The following ITPR1 variants were observed in gnomAD, a reference collection of about 807,000 sequenced individuals.
ITPR1 encodes the protein inositol 1,4,5-trisphosphate receptor type 1, also known as inositol 1,4,5-trisphosphate-gated calcium channel ITPR1.
Under a neutral mutation model 318.4 loss-of-function variants are expected in ITPR1, and 96 were observed. The ratio of observed to expected loss-of-function variants is 0.30; its 90% confidence interval spans 0.26 to 0.36. ITPR1 has a LOEUF of 0.36. ITPR1 is among the 10% of genes least tolerant of loss of function. ITPR1 has a pLI of 1.00. For missense variants in ITPR1, 2,440 were observed against 3,460.2 expected (o/e 0.71, Z 7.40); for synonymous variants, 1,312 against 1,289.9 (o/e 1.02, Z -0.37).
intron 4 of ITPR1, among the ~76,000 whole-genome samples, chr3:4,522,380 T>G (rs1238052096): frequency 6.6e-6 from 1 of 152,178 alleles, no homozygotes; most frequent in Non-Finnish European, 1.5e-5. Flanking sequence ...TTGACTTTTT[T>G]GGATAAAAGC....
intron 2 of ITPR1, among the ~76,000 whole-genome samples, chr3:4,515,625 G>A (rs1575378165): frequency 6.6e-6 from 1 of 152,266 alleles, no homozygotes; most frequent in East Asian, 1.9e-4. Context: ...GATGAAAGCT[G>A]TTTCTAGGAG....
intron 18 of ITPR1, among the ~76,000 whole-genome samples, chr3:4,668,013 C>T (rs1173522436): frequency 6.6e-6 from 1 of 152,026 alleles, no homozygotes; most frequent in Non-Finnish European, 1.5e-5. Flanking sequence ...GTGTAATAAT[C>T]ACATTGTAGA....
chr3:4,559,244 T>A (rs2086443094), intron 4 of ITPR1, among the ~76,000 whole-genome samples: 1 of 152,120 alleles, frequency 6.6e-6, no homozygotes, highest in South Asian at 2.1e-4. Flanking sequence ...TATGTCTCTC[T>A]AGTCTCTTCT....
intron 4 of ITPR1, among the ~76,000 whole-genome samples, chr3:4,590,487 G>A (rs932365716): frequency 8.7e-5 from 13 of 150,132 alleles, no homozygotes; most frequent in East Asian, 1.9e-4. Context: ...CCTGGTAAAC[G>A]GTCAGTCTGG....
Position 4,675,264 on chromosome 3 carries a change from T to A in ITPR1, c.2779+16T>A. The A allele has an allele frequency of 6.3e-7, 1 of 1,592,718 alleles. No individual in the cohort carries two copies. The highest frequency in any genetic ancestry group is 8.6e-7 in the Non-Finnish European group (1 of 1,168,076). ...AAGCTGAAGAGTGAGTATCTGAGGGTGCCCATACATCTGAGAGATGCCCTC... is the reference window on the plus strand; with the variant it reads ...AAGCTGAAGAGTGAGTATCTGAGGGAGCCCATACATCTGAGAGATGCCCTC... On this transcript the variant is annotated intron_variant, in intron 23 of 61. Transcript: ENST00000649015.
chr3:4,678,012 G>T (rs1224736832), intron 24 of ITPR1, among the ~76,000 whole-genome samples: 2 of 152,140 alleles, frequency 1.3e-5, no homozygotes, highest in Admixed American at 6.6e-5. Flanking sequence ...TTAATGGAAA[G>T]AATTATGTGT....
chr3:4,806,337 T>C (rs2048551503), intron 55 of ITPR1, 70 bp downstream of exon 55: 1 of 1,400,678 alleles, frequency 7.1e-7, no homozygotes, highest in Non-Finnish European at 1.0e-6. Context: ...CTCTCTCTCA[T>C]CACAGACCCT....
intron 10 of ITPR1, among the ~76,000 whole-genome samples, chr3:4,651,722 T>G (rs1191001404): frequency 2.0e-5 from 3 of 152,218 alleles, no homozygotes; most frequent in African/African-American, 2.4e-5. Context: ...GTTTCACATT[T>G]CAGAGCACAG....
At chr3:4,768,872 A>T in intron 46 of ITPR1, 108 bp downstream of exon 46, 1 of 1,086,654 alleles carries the variant, frequency 9.2e-7, no homozygotes, top group Non-Finnish European at 1.3e-6. Context: ...GCTTGAGCCA[A>T]GGATCCAGCA....
intron 4 of ITPR1, among the ~76,000 whole-genome samples, chr3:4,597,395 G>A (rs560056432): frequency 6.6e-6 from 1 of 152,256 alleles, no homozygotes; most frequent in South Asian, 2.1e-4. Flanking sequence ...GGTTTTATGG[G>A]GATTTGGGTG....
chr3:4,753,525 G>A (rs978813335), intron 44 of ITPR1, among the ~76,000 whole-genome samples: 4 of 152,126 alleles, frequency 2.6e-5, no homozygotes, highest in African/African-American at 9.7e-5. Flanking sequence ...AGCAAGATGG[G>A]GATGCAGGGT....
At chr3:4,788,946 C>T (rs1259021106) in intron 52 of ITPR1, among the ~76,000 whole-genome samples, 3 of 152,186 alleles carry the variant, frequency 2.0e-5, no homozygotes, top group Non-Finnish European at 4.4e-5. Flanking sequence ...TGTTGGAGGT[C>T]AGTTTCCCAG....
At chr3:4,561,654 G>C (rs1450895605) in intron 4 of ITPR1, among the ~76,000 whole-genome samples, 1 of 152,094 alleles carries the variant, frequency 6.6e-6, no homozygotes, top group Non-Finnish European at 1.5e-5. Flanking sequence ...ATTTCGGATG[G>C]TGTTAAATTG....
At position 4,813,192 on chromosome 3, in the gene ITPR1, G is replaced by A. The variant is rs1410159998; in HGVS notation, c.7519G>A (p.Val2507Met). 1.2e-6 allele frequency: 2 copies of A among 1,613,888 alleles called. No homozygotes were observed. The highest frequency in any genetic ancestry group is 1.7e-6 in the Non-Finnish European group (2 of 1,179,792). The change falls in exon 57 of 62, where the codon GTG becomes ATG. Residue 2507 changes from valine (V) to methionine (M), a missense_variant. This residue lies in a region of ITPR1 where 88 missense variants were observed against 90.5 expected (regional missense o/e 0.97). Coordinates refer to ENST00000649015, the MANE Select transcript of ITPR1 (RefSeq NM_001378452.1). Reference sequence around the variant, plus strand: ...GTTCCTGTTCTCCGATGTGTGTAGGGTGGAGAGTGGGGAGAACTGCTCCTC... The same window carrying A: ...GTTCCTGTTCTCCGATGTGTGTAGGATGGAGAGTGGGGAGAACTGCTCCTC... Reference protein sequence around the residue: ...SEFLFSDVCRVESGENCSSPA... With the variant: ...SEFLFSDVCRMESGENCSSPA...
chr3:4,830,419 TCTAAAGA>T (rs1394257052), intron 60 of ITPR1, among the ~76,000 whole-genome samples: 1 of 152,164 alleles, frequency 6.6e-6, no homozygotes, highest in Admixed American at 6.5e-5. Flanking sequence ...AAAAATTAGC[TCTAAAGA>T]CTAATTTTTT....
chr3:4,662,963 C>T (rs2093868932), intron 15 of ITPR1, 102 bp from the exon 16 acceptor site: 3 of 943,742 alleles, frequency 3.2e-6, no homozygotes, highest in African/African-American at 1.6e-5. Flanking sequence ...GTGGGTCTGC[C>T]CCTGTTTAAC....
chr3:4,503,520 G>A (rs1377938690), intron 2 of ITPR1, among the ~76,000 whole-genome samples: 1 of 152,204 alleles, frequency 6.6e-6, no homozygotes, highest in South Asian at 2.1e-4. Context: ...ATGTCCTAGA[G>A]CAGTGGTCTC....
intron 42 of ITPR1, among the ~76,000 whole-genome samples, chr3:4,731,068 AT>A (rs1478912820): frequency 6.6e-6 from 1 of 152,238 alleles, no homozygotes; most frequent in East Asian, 1.9e-4. Context: ...GCATTATGAT[AT>A]TTAAAAAGGG....
chr3:4,825,196 C>G (rs2049994923), intron 60 of ITPR1, among the ~76,000 whole-genome samples: 2 of 152,244 alleles, frequency 1.3e-5, no homozygotes, highest in South Asian at 4.1e-4. Flanking sequence ...CCTGCTCCCT[C>G]TTCCTTGCCC....
Sources: allele counts gnomAD v4.1 joint callset (sites outside exome capture counted in the v4.1 genomes callset), GRCh38; gene constraint gnomAD v4.1.1; regional missense constraint gnomAD v4.1.1; transcripts MANE v1.5; gene names NCBI Gene and HGNC (gene_info 2026-07-23, HGNC 2026-07-21).